Variants in HDX observed in about 807,000 individuals in gnomAD.
The protein encoded by HDX is chromosome X open reading frame 43.
A neutral mutation model predicts 45.2 loss-of-function variants in HDX; 19 were observed. The ratio of observed to expected loss-of-function variants is 0.42; its 90% CI spans 0.29 to 0.62. HDX has a LOEUF of 0.62. HDX is among the 20% of genes least tolerant of loss of function. HDX has a pLI of 0.20. For synonymous variants in HDX, 188 were observed against 172.8 expected, an observed-to-expected ratio of 1.09 and a Z score of -0.69; for missense variants, 532 against 493.9, an observed-to-expected ratio of 1.08 and a Z score of -0.73.
intron 3 of HDX, among the ~76,000 whole-genome samples, chrX:84,474,786 A>T: frequency 8.9e-6 from 1 of 112,254 alleles, no homozygotes; most frequent in South Asian, 3.6e-4. Flanking sequence ...TTACTTGCTA[A>T]CCCATTAAAC....
chrX:84,465,307 A>G (rs773121128), intron 4 of HDX, among the ~76,000 whole-genome samples: 1 of 112,146 alleles, frequency 8.9e-6, no homozygotes, highest in Non-Finnish European at 1.9e-5. Flanking sequence ...TTGAGCTAGC[A>G]ATCCCATTAC....
chrX:84,399,256 C>G (rs1234320011), intron 5 of HDX, among the ~76,000 whole-genome samples: 12 of 108,312 alleles, frequency 1.1e-4, no homozygotes, highest in African/African-American at 3.7e-4. Context: ...AAACCCCCCC[C>G]CAAAAAAACA....
At chrX:84,354,948 T>C (rs769722360) in intron 6 of HDX, among the ~76,000 whole-genome samples, 8,951 of 89,792 alleles carry the variant, frequency 0.1, 470 homozygotes, top group East Asian at 0.28. Flanking sequence ...TATATATATA[T>C]ATATATATAT....
At position 84,348,933 on chromosome X, in the gene HDX, C is replaced by T. The variant is rs1433337604; in HGVS notation, c.1453-4476G>A. ...TCTTAAAAATTGTTACTTTTCCATT[C>T]TTCCTGTCAAGAGCATGAGGGAGTT... On this transcript the variant is annotated intron_variant, in intron 6 of 10. Coordinates refer to ENST00000373177, the MANE Select transcript of HDX (RefSeq NM_001177479.2). Among the ~76,000 whole-genome samples, 5 of 111,790 alleles carry T rather than the reference C, an allele frequency of 4.5e-5. No homozygotes were observed. In the East Asian group the frequency reaches 8.5e-4, roughly 19 times the overall value.
intron 5 of HDX, among the ~76,000 whole-genome samples, chrX:84,389,910 T>C (rs1602365512): frequency 1.8e-5 from 2 of 111,175 alleles, no homozygotes; most frequent in African/African-American, 3.3e-5. Context: ...TAGGATCCCA[T>C]AGGTCAATGG....
chrX:84,336,751 G>A (rs2036972218), intron 8 of HDX, 50 bp downstream of exon 8: 12 of 812,603 alleles, frequency 1.5e-5, no homozygotes, highest in Non-Finnish European at 2.2e-5. Flanking sequence ...CTGGATACTT[G>A]GGCTTGAAAT....
rs757599987 is a variant in HDX at position 84,324,562 on chromosome X, C to A, written c.1947+1616G>T. Reference sequence around the variant, plus strand: ...ATTTTTGAATCATGTTCTCTTTCAACCAACTTTTGTCCATATACTAATTTA... The same window carrying A: ...ATTTTTGAATCATGTTCTCTTTCAAACAACTTTTGTCCATATACTAATTTA... On this transcript the variant is annotated intron_variant, in intron 10 of 10. Coordinates refer to ENST00000373177, the MANE Select transcript of HDX (RefSeq NM_001177479.2). 2.7e-5 allele frequency among the ~76,000 whole-genome samples: 3 copies of A among 111,316 alleles called. No homozygotes were observed. In the South Asian group the frequency reaches 1.1e-3, roughly 42 times the overall value.
intron 1 of HDX, among the ~76,000 whole-genome samples, chrX:84,500,884 T>A (rs2041106521): frequency 9.0e-6 from 1 of 111,182 alleles, no homozygotes; most frequent in Non-Finnish European, 1.9e-5. Context: ...AAGAATATGT[T>A]GGTTAAAGAA....
intron 2 of HDX, among the ~76,000 whole-genome samples, chrX:84,480,217 T>G (rs147315324): frequency 0.01 from 1,150 of 111,926 alleles, 23 homozygotes; most frequent in African/African-American, 0.036. Context: ...TCTGCAACTT[T>G]ACTAAACCAA....
chrX:84,437,301 G>A (rs1196618871), intron 5 of HDX, among the ~76,000 whole-genome samples: 1 of 110,521 alleles, frequency 9.0e-6, no homozygotes, highest in East Asian at 2.9e-4. Flanking sequence ...ACTACCTTAG[G>A]AGACTTTTTT....
chrX:84,349,180 C>A (rs1342750629), intron 6 of HDX, among the ~76,000 whole-genome samples: 1 of 110,850 alleles, frequency 9.0e-6, no homozygotes, highest in Non-Finnish European at 1.9e-5. Context: ...AGTTGTGATT[C>A]TCTGTATCTG....
At chrX:84,380,047 T>G (rs1308773454) in intron 5 of HDX, among the ~76,000 whole-genome samples, 1 of 110,928 alleles carries the variant, frequency 9.0e-6, no homozygotes, top group Non-Finnish European at 1.9e-5. Context: ...GTACAACTCA[T>G]ACTGCAGAAA....
intron 6 of HDX, among the ~76,000 whole-genome samples, chrX:84,358,461 T>G (rs183360534): frequency 8.9e-6 from 1 of 112,128 alleles, no homozygotes; most frequent in African/African-American, 3.2e-5. Context: ...CTCCAATTCC[T>G]CTTCAGTCAT....
chrX:84,492,391 T>A (rs2040908712), intron 1 of HDX, among the ~76,000 whole-genome samples: 2 of 110,447 alleles, frequency 1.8e-5, no homozygotes, highest in South Asian at 7.6e-4. Flanking sequence ...CCTTTTGGAG[T>A]GGTGGAGTGG....
chrX:84,346,150 A>G (rs1240483531), intron 6 of HDX, among the ~76,000 whole-genome samples: 1 of 111,085 alleles, frequency 9.0e-6, no homozygotes, highest in East Asian at 2.8e-4. Context: ...AAATGGGTTC[A>G]CTGAAAAGAT....
intron 6 of HDX, among the ~76,000 whole-genome samples, chrX:84,350,771 A>T (rs2037330372): frequency 8.9e-6 from 1 of 111,836 alleles, no homozygotes; most frequent in Non-Finnish European, 1.9e-5. Context: ...TTAAAAATCC[A>T]ATTTGCAAAT....
At chrX:84,424,755 C>T (rs1283683471) in intron 5 of HDX, among the ~76,000 whole-genome samples, 1 of 111,079 alleles carries the variant, frequency 9.0e-6, no homozygotes, top group Non-Finnish European at 1.9e-5. Context: ...ACCGGATATG[C>T]ATATGCAGAA....
At chrX:84,447,646 C>T (rs1015382414) in intron 4 of HDX, among the ~76,000 whole-genome samples, 1 of 110,905 alleles carries the variant, frequency 9.0e-6, no homozygotes, top group Non-Finnish European at 1.9e-5. Context: ...GAGGCCAGTC[C>T]CTACCGGATT....
chrX:84,371,750 A>G (rs973249986), intron 5 of HDX, among the ~76,000 whole-genome samples: 1 of 111,476 alleles, frequency 9.0e-6, no homozygotes, highest in African/African-American at 3.3e-5. Context: ...TTTGATGCTT[A>G]TTGCCTATTT....
Sources: gnomAD v4.1 joint callset for allele counts (sites outside exome capture counted in the v4.1 genomes callset) on GRCh38, gnomAD v4.1.1 for gene constraint, MANE v1.5 for transcripts, NCBI Gene and HGNC (gene_info 2026-07-23, HGNC 2026-07-21) for gene names.